HIBADH: variants seen among roughly 807,000 people sequenced by gnomAD.
HIBADH encodes 3-hydroxyisobutyrate dehydrogenase.
In HIBADH, 25 loss-of-function variants were observed where a neutral mutation model predicts 36.1. The ratio of observed to expected loss-of-function variants is 0.69; its 90% CI spans 0.50 to 0.97. The LOEUF is 0.97. Among genes scored for constraint, HIBADH ranks in the 50% least tolerant of loss-of-function variants. The pLI, the probability that HIBADH is intolerant of heterozygous loss-of-function variation, is 0.00. For missense variants in HIBADH, 421 were observed against 418.0 expected (o/e 1.01, Z -0.06); for synonymous variants, 160 against 149.5 (o/e 1.07, Z -0.51).
chr7:27,661,614 G>C (rs75572011), intron 1 of HIBADH, among the ~76,000 whole-genome samples: 2 of 150,508 alleles, frequency 1.3e-5, no homozygotes, highest in Non-Finnish European at 3.0e-5. Flanking sequence ...AAAAAAGGGC[G>C]GGGGGCCAAG....
At chr7:27,658,179 T>C (rs527704349) in intron 1 of HIBADH, among the ~76,000 whole-genome samples, 6 of 152,194 alleles carry the variant, frequency 3.9e-5, no homozygotes, top group Admixed American at 6.5e-5. Context: ...CAGAAATCCA[T>C]GAGTATAATG....
chr7:27,576,537 A>T (rs942267511), intron 4 of HIBADH, among the ~76,000 whole-genome samples: 9 of 152,190 alleles, frequency 5.9e-5, no homozygotes, highest in Non-Finnish European at 8.8e-5. Context: ...CTAAACAGTG[A>T]CCTCTAGTGG....
intron 4 of HIBADH, among the ~76,000 whole-genome samples, chr7:27,626,214 T>C (rs1785642905): frequency 6.7e-6 from 1 of 149,290 alleles, no homozygotes. Flanking sequence ...TATCAAAACA[T>C]TTCATCTACC....
At chr7:27,577,640 AAAGAG>A (rs1453475391) in intron 4 of HIBADH, among the ~76,000 whole-genome samples, 1 of 152,178 alleles carries the variant, frequency 6.6e-6, no homozygotes, top group Non-Finnish European at 1.5e-5. Context: ...CTCGCAATAT[AAAGAG>A]AAGACTTTGG....
At chr7:27,560,153 GCT>G (rs1320902574) in intron 4 of HIBADH, among the ~76,000 whole-genome samples, 1 of 152,148 alleles carries the variant, frequency 6.6e-6, no homozygotes, top group East Asian at 1.9e-4. Flanking sequence ...ACAGAGTCTT[GCT>G]CTGTTGCCCA....
Position 27,539,110 on chromosome 7 carries a change from G to A in HIBADH, c.619-693C>T, listed in dbSNP as rs908779024. 2.6e-5 allele frequency among the ~76,000 whole-genome samples: 4 copies of A among 152,132 alleles called. No individual in the cohort carries two copies. The South Asian group carries it at 8.3e-4, about 32-fold the overall frequency. ...AGGGTGGAGAGTTAAAATTTGACAC[G>A]GTAGGAAATAGGGATCTATTCAAAG... On this transcript the variant is annotated intron_variant, in intron 5 of 7. Transcript: ENST00000265395.
intron 4 of HIBADH, among the ~76,000 whole-genome samples, chr7:27,592,853 T>G (rs2128289209): frequency 6.7e-6 from 1 of 148,364 alleles, no homozygotes; most frequent in African/African-American, 2.5e-5. Context: ...ACAAAATTAG[T>G]AACATGGTGA....
At chr7:27,631,278 C>T (rs1441227944) in intron 3 of HIBADH, among the ~76,000 whole-genome samples, 2 of 152,166 alleles carry the variant, frequency 1.3e-5, no homozygotes, top group Admixed American at 1.3e-4. Flanking sequence ...CTGAGAGCTC[C>T]ATCCAAAATG....
rs1398968638 is a variant in HIBADH at position 27,575,106 on chromosome 7, T to C, written c.485-32006A>G. On this transcript the variant is annotated intron_variant, in intron 4 of 7. Coordinates refer to ENST00000265395, the MANE Select transcript of HIBADH (RefSeq NM_152740.4). ...TAGCATTATAAAATTATTTTACTTT[T>C]CCCAGAATAAAATTAGAAAGCCAGA... Among the ~76,000 whole-genome samples, 3 of 152,206 alleles carry C rather than the reference T, an allele frequency of 2.0e-5. No individual in the cohort carries two copies. In the East Asian group the frequency reaches 5.8e-4, roughly 29 times the overall value.
intron 4 of HIBADH, among the ~76,000 whole-genome samples, chr7:27,625,755 G>C (rs1583605705): frequency 6.6e-6 from 1 of 152,048 alleles, no homozygotes; most frequent in Non-Finnish European, 1.5e-5. Flanking sequence ...TTAAACTCAA[G>C]AGGAAGAGAA....
At chr7:27,540,057 G>A (rs1048405991) in intron 5 of HIBADH, among the ~76,000 whole-genome samples, 1 of 151,686 alleles carries the variant, frequency 6.6e-6, no homozygotes, top group Admixed American at 6.6e-5. Context: ...AGGCAGAAGG[G>A]GCAGGCACAC....
chr7:27,605,586 C>CAAAA (rs70994666), intron 4 of HIBADH, among the ~76,000 whole-genome samples: 5 of 33,600 alleles, frequency 1.5e-4, no homozygotes, highest in Non-Finnish European at 1.5e-4. Context: ...TTTAGACAAG[C>CAAAA]AAAAAAAAAA....
Position 27,557,101 on chromosome 7 carries a change from C to T in HIBADH, c.485-14001G>A, listed in dbSNP as rs183950925. On this transcript the variant is annotated intron_variant, in intron 4 of 7. Coordinates refer to ENST00000265395, the MANE Select transcript of HIBADH (RefSeq NM_152740.4). ...GCTATAGCGAGGCATGTTCACACCA[C>T]TGCACTCCAGCCTGAACAACAGAGT... Among the ~76,000 whole-genome samples, 328 of 150,800 alleles carry T rather than the reference C, an allele frequency of 2.2e-3. 1 individual carries two copies. The highest frequency in any genetic ancestry group is 7.5e-3 in the African/African-American group (307 of 40,940).
intron 6 of HIBADH, among the ~76,000 whole-genome samples, chr7:27,536,403 T>C (rs374488882): frequency 2.0e-5 from 3 of 152,296 alleles, no homozygotes; most frequent in African/African-American, 4.8e-5. Context: ...TTTTATGTTA[T>C]ATATATCAGT....
chr7:27,629,289 A>G, intron 4 of HIBADH, 82 bp downstream of exon 4: 1 of 1,391,716 alleles, frequency 7.2e-7, no homozygotes, highest in East Asian at 2.4e-5. Context: ...TAACTACTAC[A>G]AAACCATATG....
intron 4 of HIBADH, among the ~76,000 whole-genome samples, chr7:27,546,317 C>T (rs1323406303): frequency 1.3e-5 from 2 of 151,992 alleles, no homozygotes; most frequent in Non-Finnish European, 2.9e-5. Context: ...TGGGGTTTCA[C>T]TTTATTGCCC....
Position 27,662,647 on chromosome 7 carries a change from G to A in HIBADH, c.91+51C>T, listed in dbSNP as rs960495837. On this transcript the variant is annotated intron_variant, in intron 1 of 7. Transcript: ENST00000265395. ...GACTTCTTCGGCCGTCTGGACAGAA[G>A]AAGCGAGCGGCCGAAAGAAGGACAA... 3.8e-5 allele frequency: 43 copies of A among 1,145,494 alleles called. No homozygotes were observed. In the African/African-American group the frequency reaches 4.4e-4, roughly 12 times the overall value. 71.0% of individuals were successfully genotyped at this position (1,145,494 alleles called of 1,614,324 possible).
At chr7:27,641,903 T>C (rs2893292) in intron 2 of HIBADH, among the ~76,000 whole-genome samples, 30,723 of 151,892 alleles carry the variant, frequency 0.2, 3,904 homozygotes, top group East Asian at 0.44. Flanking sequence ...AGAGGACCTC[T>C]TAGAGTCAAG....
chr7:27,596,875 A>G (rs988607199), intron 4 of HIBADH, among the ~76,000 whole-genome samples: 1 of 152,182 alleles, frequency 6.6e-6, no homozygotes, highest in East Asian at 1.9e-4. Flanking sequence ...GGAGCATTTC[A>G]AATTTCAGAT....
Sources: allele counts gnomAD v4.1 joint callset (sites outside exome capture counted in the v4.1 genomes callset), GRCh38; gene constraint gnomAD v4.1.1; transcripts MANE v1.5; gene names NCBI Gene and HGNC (gene_info 2026-07-23, HGNC 2026-07-21).